SPTBN4: variants seen among roughly 807,000 people sequenced by gnomAD.
SPTBN4 encodes spectrin beta chain, non-erythrocytic 4.
Under a neutral mutation model 277.8 loss-of-function variants are expected in SPTBN4, and 96 were observed. The ratio of observed to expected loss-of-function variants is 0.35; its 90% CI spans 0.29 to 0.41. The LOEUF is 0.41. SPTBN4 is among the 10% of genes least tolerant of loss of function. The pLI is 1.00. For missense variants in SPTBN4, 3,006 were observed against 3,595.7 expected (o/e 0.84, Z 4.19); for synonymous variants, 1,481 against 1,580.3 (o/e 0.94, Z 1.49).
At chr19:40,561,560 G>A (rs1339070922) in intron 27 of SPTBN4, among the ~76,000 whole-genome samples, 3 of 152,086 alleles carry the variant, frequency 2.0e-5, no homozygotes, top group African/African-American at 4.8e-5. Flanking sequence ...AGTGGCTCAC[G>A]CCTGTAATCC....
rs1599696287 is a variant in SPTBN4, at chr19:40,467,192, C to G, written c.-129C>G. On this transcript the variant is annotated 5_prime_UTR_variant, in exon 1 of 36. Transcript: ENST00000598249. ...TGGCTGAGCCGCGGGCCGGCGGGGC[C>G]GAGCTGAGCCGGGCTGGGCCGGGCC... 6.7e-6 allele frequency: 1 copy of G among 149,726 alleles called. No individual in the cohort carries two copies. The highest frequency in any genetic ancestry group is 1.8e-4 in the South Asian group (1 of 5,640). 9.3% of individuals were successfully genotyped at this position (149,726 alleles called of 1,614,324 possible).
Position 40,554,358 on chromosome 19 carries a change from ACGTGGCTGAGGTGGAGG to A in SPTBN4, c.4895_4911del (p.Glu1632GlyfsTer10). 6.3e-7 allele frequency: 1 copy of A among 1,583,096 alleles called. No homozygotes were observed. The highest frequency in any genetic ancestry group is 8.5e-7 in the Non-Finnish European group (1 of 1,170,172). On this transcript the variant is annotated frameshift_variant, in exon 23 of 36. Transcript: ENST00000598249. LOFTEE classifies it high-confidence loss of function. This position sits in a 1 kb window ranked among gnomAD's most constrained non-coding sequence, Gnocchi z 5.7. ...TTCCAGGTGGAGCAGTACTACTTCGACGTGGCTGAGGTGGAGGCGTGGCTGGGCGAGCAGGAGCTGCT... is the reference window on the plus strand; with the variant it reads ...TTCCAGGTGGAGCAGTACTACTTCGACGTGGCTGGGCGAGCAGGAGCTGCT...
intron 1 of SPTBN4, among the ~76,000 whole-genome samples, chr19:40,467,863 A>ACT (rs1209092474): frequency 4.6e-5 from 7 of 152,152 alleles, no homozygotes; most frequent in African/African-American, 1.7e-4. Flanking sequence ...AGTTAAAGAT[A>ACT]CTCGGTTAAA....
At chr19:40,556,313 T>C (rs1288962407) in intron 25 of SPTBN4, 25 bp downstream of exon 25, 7 of 1,585,330 alleles carry the variant, frequency 4.4e-6, no homozygotes, top group Non-Finnish European at 6.0e-6. Context: ...TAATAAGTGA[T>C]ACCAGGAGCT....
chr19:40,480,593 C>T (rs2080000104), intron 2 of SPTBN4, among the ~76,000 whole-genome samples: 1 of 152,116 alleles, frequency 6.6e-6, no homozygotes. Flanking sequence ...TGTTTTATGT[C>T]CGGCATTATT....
chr19:40,484,367 A>G (rs1314305138), intron 2 of SPTBN4, among the ~76,000 whole-genome samples: 1 of 152,230 alleles, frequency 6.6e-6, no homozygotes, highest in Non-Finnish European at 1.5e-5. Flanking sequence ...ATTATTTAGT[A>G]ATGGGATTTT....
chr19:40,501,123 G>A (rs2080258698), intron 7 of SPTBN4, among the ~76,000 whole-genome samples: 1 of 150,540 alleles, frequency 6.6e-6, no homozygotes, highest in African/African-American at 2.4e-5. Context: ...CTTTAGTTCT[G>A]ACTACTCAGG....
chr19:40,565,767 CG>C, intron 29 of SPTBN4, 22 bp downstream of exon 29: 1 of 1,549,232 alleles, frequency 6.5e-7, no homozygotes, highest in Non-Finnish European at 8.7e-7. Context: ...CCCAGGCACA[CG>C]TGGTTCAAGG....
intron 26 of SPTBN4, among the ~76,000 whole-genome samples, chr19:40,559,754 C>T (rs892223422): frequency 6.6e-5 from 10 of 152,028 alleles, no homozygotes; most frequent in African/African-American, 1.9e-4. Flanking sequence ...GAACAGCCGT[C>T]GTGTAGGAAA....
chr19:40,559,487 C>G (rs553186823), intron 26 of SPTBN4, among the ~76,000 whole-genome samples: 1 of 152,210 alleles, frequency 6.6e-6, no homozygotes, highest in South Asian at 2.1e-4. Flanking sequence ...ATCTCTATTA[C>G]AACATATATG....
At chr19:40,486,931 T>A (rs1227300949) in intron 2 of SPTBN4, among the ~76,000 whole-genome samples, 8 of 151,960 alleles carry the variant, frequency 5.3e-5, no homozygotes, top group Admixed American at 5.2e-4. Flanking sequence ...CCTGTGCAAG[T>A]GACATGTCAG....
intron 27 of SPTBN4, among the ~76,000 whole-genome samples, chr19:40,564,663 C>T (rs970023274): frequency 6.6e-6 from 1 of 151,700 alleles, no homozygotes; most frequent in Non-Finnish European, 1.5e-5. Context: ...CATAGCAAGA[C>T]CCTGTCTCTA....
Position 40,534,536 on chromosome 19 carries a change from A to T in SPTBN4, c.4359+193A>T, listed in dbSNP as rs1749976636. On this transcript the variant is annotated intron_variant, in intron 20 of 35. Coordinates refer to ENST00000598249, the MANE Select transcript of SPTBN4 (RefSeq NM_020971.3). ...TGTTGGAAGCAGCCACCACTCCCTAAGGTATGGAGTACAAAGGGAAAAGGA... is the reference window on the plus strand; with the variant it reads ...TGTTGGAAGCAGCCACCACTCCCTATGGTATGGAGTACAAAGGGAAAAGGA... 4.4e-6 allele frequency: 3 copies of T among 687,522 alleles called. No individual in the cohort carries two copies. The Admixed American group carries it at 8.9e-5, about 20-fold the overall frequency. The allele number at this position is 687,522 out of a possible 1,614,324, so 42.6% of individuals were successfully genotyped here. A position where few individuals can be genotyped will look rare whatever the true frequency, so the allele number is the denominator to read the frequency against.
chr19:40,507,299 G>A (rs1241488403), intron 13 of SPTBN4, among the ~76,000 whole-genome samples: 1 of 151,686 alleles, frequency 6.6e-6, no homozygotes, highest in Non-Finnish European at 1.5e-5. Context: ...TGGGCAACTG[G>A]ACTGAGACCC....
At position 40,502,948 on chromosome 19, in the gene SPTBN4, G is replaced by T. The variant is rs2080280828; in HGVS notation, c.1362+15G>T. Reference sequence around the variant, plus strand: ...TGGTCTCCCAGGTACAAGGTGTAGGGCTTGGCTCCAGGGTAAAGGGACGGA... The same window carrying T: ...TGGTCTCCCAGGTACAAGGTGTAGGTCTTGGCTCCAGGGTAAAGGGACGGA... On this transcript the variant is annotated intron_variant, in intron 11 of 35. Transcript: ENST00000598249. The surrounding 1 kb of genome is among the most constrained non-coding windows in gnomAD (Gnocchi z 4.9). 2.5e-6 allele frequency: 4 copies of T among 1,612,444 alleles called. No homozygotes were observed. The highest frequency in any genetic ancestry group is 2.5e-6 in the Non-Finnish European group (3 of 1,179,354).
Position 40,532,669 on chromosome 19 carries a change from C to T in SPTBN4, c.3993C>T (p.Gly1331=), listed in dbSNP as rs1394459367. 2 of 1,613,410 alleles carry T rather than the reference C, an allele frequency of 1.2e-6. No homozygotes were observed. The highest frequency in any genetic ancestry group is 1.7e-5 in the Admixed American group (1 of 59,946). ...AGAAGATGCTGATGGCGCGGGATGG[C>T]ACGCGGGAGGACAACCACAAGCTGC... is the stretch of plus-strand genomic sequence containing the variant. ...IHEKMLMARD[G]TREDNHKLHK... Residue 1331 remains glycine, a synonymous_variant, in exon 19 of 36, where the codon GGC becomes GGT. Coordinates refer to ENST00000598249, the MANE Select transcript of SPTBN4 (RefSeq NM_020971.3).
At chr19:40,520,220 A>G (rs2080511396) in intron 16 of SPTBN4, 69 bp downstream of exon 16, 19 of 797,970 alleles carry the variant, frequency 2.4e-5, no homozygotes, top group Non-Finnish European at 3.0e-5. Flanking sequence ...AGGGACAGGG[A>G]CATGCGGGGG....
chr19:40,477,296 A>C (rs2079960245), intron 2 of SPTBN4, among the ~76,000 whole-genome samples: 1 of 151,272 alleles, frequency 6.6e-6, no homozygotes, highest in South Asian at 2.1e-4. Context: ...TGATCCTCCC[A>C]CCTTGGCCTC....
At position 40,570,970 on chromosome 19, in the gene SPTBN4, T is replaced by A. The variant is rs560993997; in HGVS notation, c.7319+242T>A. On this transcript the variant is annotated intron_variant, in intron 33 of 35. Coordinates refer to ENST00000598249, the MANE Select transcript of SPTBN4 (RefSeq NM_020971.3). ...CGTGGGGGTAGTAGGTGGGGCCAGA[T>A]GAGGGGTGGGGCTCAACTTTGATGA... 413 of 464,104 alleles carry A rather than the reference T, an allele frequency of 8.9e-4. 1 individual carries two copies. The highest frequency in any genetic ancestry group is 7.6e-3 in the South Asian group (280 of 36,988). 28.7% of individuals were successfully genotyped at this position (464,104 alleles called of 1,614,324 possible).
Sources: allele counts gnomAD v4.1 joint callset (sites outside exome capture counted in the v4.1 genomes callset), GRCh38; gene constraint gnomAD v4.1.1; non-coding constraint Gnocchi (gnomAD v3.1); transcripts MANE v1.5; gene names NCBI Gene and HGNC (gene_info 2026-07-23, HGNC 2026-07-21).